The following CACNA2D3 variants were observed in gnomAD, a reference collection of about 807,000 sequenced individuals.
The protein encoded by CACNA2D3 is voltage-dependent calcium channel subunit alpha-2/delta-3.
Under a neutral mutation model 160.6 loss-of-function variants are expected in CACNA2D3, and 60 were observed. That is an observed-to-expected ratio of 0.37 (90% CI 0.30 to 0.46). CACNA2D3 has a LOEUF of 0.46. Among genes scored for constraint, CACNA2D3 ranks in the 20% least tolerant of loss-of-function variants. CACNA2D3 has a pLI of 1.00. For missense variants in CACNA2D3, 1,205 were observed against 1,365.0 expected (o/e 0.88, Z 1.85); for synonymous variants, 558 against 492.9 (o/e 1.13, Z -1.75).
At chr3:54,895,569 A>T (rs1345689262) in intron 25 of CACNA2D3, among the ~76,000 whole-genome samples, 2 of 152,176 alleles carry the variant, frequency 1.3e-5, no homozygotes, top group Non-Finnish European at 2.9e-5. Context: ...ACCAGTTACA[A>T]CTTAGCATGA....
chr3:54,170,279 C>T (rs963812318), intron 2 of CACNA2D3, among the ~76,000 whole-genome samples: 1 of 151,806 alleles, frequency 6.6e-6, no homozygotes, highest in African/African-American at 2.4e-5. Flanking sequence ...TGCCAAGAGA[C>T]CCAGAGAAGA....
At chr3:54,292,363 C>T (rs1559911726) in intron 2 of CACNA2D3, among the ~76,000 whole-genome samples, 2 of 152,062 alleles carry the variant, frequency 1.3e-5, no homozygotes, top group Non-Finnish European at 1.5e-5. Flanking sequence ...TTTGTGCTTT[C>T]AAGAACACTA....
intron 2 of CACNA2D3, among the ~76,000 whole-genome samples, chr3:54,241,215 T>C (rs1006661793): frequency 1.5e-4 from 23 of 152,176 alleles, no homozygotes; most frequent in African/African-American, 5.6e-4. Flanking sequence ...TGAACACTTA[T>C]CTAGAAAAAT....
chr3:54,166,893 A>AT (rs1234916054), intron 2 of CACNA2D3, among the ~76,000 whole-genome samples: 2 of 152,236 alleles, frequency 1.3e-5, no homozygotes, highest in African/African-American at 4.8e-5. Context: ...ATTTCAGGTC[A>AT]TTTTTCCTAT....
At chr3:54,709,894 T>C (rs560158712) in intron 11 of CACNA2D3, among the ~76,000 whole-genome samples, 46 of 152,304 alleles carry the variant, frequency 3.0e-4, no homozygotes, top group African/African-American at 1.0e-3. Context: ...CACTGCACTC[T>C]AGCCTGCATG....
In CACNA2D3 at chr3:54,157,499, A is replaced by G. The variant is rs1266803903; in HGVS notation, c.204+33905A>G. The stretch of plus-strand genomic sequence containing the variant: ...ATGTGACTTTGGTGGGAACATAAAG[A>G]AGAAACGGGGGCCAGGCACGGTGGC... On this transcript the variant is annotated intron_variant, in intron 2 of 37. Coordinates refer to ENST00000474759, the MANE Select transcript of CACNA2D3 (RefSeq NM_018398.3). Among the ~76,000 whole-genome samples, 3 of 152,184 alleles carry G rather than the reference A, an allele frequency of 2.0e-5. No individual in the cohort carries two copies. In the East Asian group the frequency reaches 5.8e-4, roughly 29 times the overall value.
At chr3:54,626,238 G>A (rs1474154066) in intron 9 of CACNA2D3, 14 of 1,045,210 alleles carry the variant, frequency 1.3e-5, no homozygotes, top group Non-Finnish European at 2.0e-5. Context: ...AGCAGAAGAA[G>A]CAGACCTTCC....
At chr3:54,163,295 G>A (rs966547704) in intron 2 of CACNA2D3, among the ~76,000 whole-genome samples, 4 of 152,148 alleles carry the variant, frequency 2.6e-5, no homozygotes, top group Admixed American at 6.5e-5. Flanking sequence ...AAATCTCAAG[G>A]GAAACCTTAA....
chr3:54,980,374 G>T (rs6784875), intron 29 of CACNA2D3, among the ~76,000 whole-genome samples: 2,150 of 152,246 alleles, frequency 0.014, 48 homozygotes, highest in African/African-American at 0.049. Context: ...TCCACACACA[G>T]AATTTCTTTT....
At chr3:54,779,897 A>G (rs1702499589) in intron 13 of CACNA2D3, among the ~76,000 whole-genome samples, 1 of 152,182 alleles carries the variant, frequency 6.6e-6, no homozygotes, top group Admixed American at 6.5e-5. Flanking sequence ...CTTGAACAGT[A>G]GCGTAAGGAC....
intron 24 of CACNA2D3, among the ~76,000 whole-genome samples, chr3:54,890,519 AAG>A: frequency 6.6e-6 from 1 of 151,764 alleles, no homozygotes; most frequent in South Asian, 2.1e-4. Context: ...AAAAAAGAAA[AAG>A]AAAGAAAAAA....
intron 5 of CACNA2D3, among the ~76,000 whole-genome samples, chr3:54,518,213 C>T (rs931838239): frequency 5.3e-5 from 8 of 152,138 alleles, no homozygotes; most frequent in Admixed American, 2.0e-4. Context: ...GTCCCATCCC[C>T]GCTCCTCCCT....
chr3:54,376,772 T>C (rs1013767532), intron 3 of CACNA2D3, among the ~76,000 whole-genome samples: 3 of 152,188 alleles, frequency 2.0e-5, no homozygotes, highest in African/African-American at 7.2e-5. Flanking sequence ...AGAGGTATTA[T>C]AAAGTTGCTG....
At chr3:54,959,789 A>G (rs1701987354) in intron 27 of CACNA2D3, among the ~76,000 whole-genome samples, 1 of 152,188 alleles carries the variant, frequency 6.6e-6, no homozygotes, top group Non-Finnish European at 1.5e-5. Flanking sequence ...AAATAATATT[A>G]TTTGAAGAAC....
chr3:54,819,584 C>T (rs187753432), intron 14 of CACNA2D3, among the ~76,000 whole-genome samples: 19 of 152,168 alleles, frequency 1.2e-4, no homozygotes, highest in African/African-American at 3.4e-4. Context: ...TGGTGGCTCA[C>T]GCCTGTAATC....
intron 12 of CACNA2D3, among the ~76,000 whole-genome samples, chr3:54,760,256 C>T (rs1215299019): frequency 6.6e-6 from 1 of 151,380 alleles, no homozygotes; most frequent in Admixed American, 6.6e-5. Context: ...TGAGCTGAGC[C>T]CTGAGTGACA....
At chr3:54,614,395 T>C (rs543367960) in intron 9 of CACNA2D3, among the ~76,000 whole-genome samples, 19 of 152,348 alleles carry the variant, frequency 1.2e-4, no homozygotes, top group Admixed American at 1.2e-3. Context: ...CCTCACCATG[T>C]TTCCTGTCCT....
chr3:54,836,414 T>G (rs1166696932), intron 14 of CACNA2D3, among the ~76,000 whole-genome samples: 3 of 151,864 alleles, frequency 2.0e-5, no homozygotes, highest in African/African-American at 7.3e-5. Flanking sequence ...TTTTGTATTT[T>G]TAGTAGAGAC....
At chr3:54,152,632 G>A (rs992353575) in intron 2 of CACNA2D3, among the ~76,000 whole-genome samples, 1 of 152,216 alleles carries the variant, frequency 6.6e-6, no homozygotes, top group Non-Finnish European at 1.5e-5. Context: ...GAGAGGCAAA[G>A]GCAAAATGAA....
Sources: allele counts gnomAD v4.1 joint callset (sites outside exome capture counted in the v4.1 genomes callset), GRCh38; gene constraint gnomAD v4.1.1; transcripts MANE v1.5; gene names NCBI Gene and HGNC (gene_info 2026-07-23, HGNC 2026-07-21).